Variants in MYO15B observed in about 807,000 individuals in gnomAD.
MYO15B encodes the protein myosin XVB, also known as myosin XVB pseudogene.
Under a neutral mutation model 119.3 loss-of-function variants are expected in MYO15B, and 207 were observed. That is an observed-to-expected ratio of 1.73 (90% CI 1.55 to 1.95). MYO15B has a LOEUF of 1.95. MYO15B is among the 30% of genes most tolerant of loss of function. The pLI is 0.00. For synonymous variants in MYO15B, 966 were observed against 498.9 expected (o/e 1.94, Z -12.48); for missense variants, 2,264 against 1,203.1 (o/e 1.88, Z -13.04).
At position 75,622,211 on chromosome 17, in the gene MYO15B, G is replaced by C. The variant is rs112155918; in HGVS notation, c.8082+131G>C. ...TTTACTGAGCACCCATTGCGTGCAG[G>C]GGGGTGTGGCTGTGAAGCCAACAGG... On this transcript the variant is annotated intron_variant, in intron 53 of 63. Transcript: ENST00000645453. 1,540 of 634,744 alleles carry C rather than the reference G, an allele frequency of 2.4e-3. 26 individuals are homozygous for C. Among genetic ancestry groups the C allele is most frequent in the African/African-American group, 0.024 (1,317 of 55,710 alleles). 39.3% of individuals were successfully genotyped at this position (634,744 alleles called of 1,614,324 possible). A position where few individuals can be genotyped will look rare whatever the true frequency, so the allele number is the denominator to read the frequency against.
At chr17:75,619,708 T>C (rs1376295683) in exon 46 of MYO15B, 2 of 702,820 alleles carry the variant, frequency 2.8e-6, no homozygotes, top group Non-Finnish European at 5.2e-6. Context: ...CGTGCAGCTG[T>C]TAGCCGTGTC....
rs543429107 is a variant in MYO15B, at chr17:75,620,929, C to T, written c.7726-102C>T. ...GCTCTTCACTTTCCTGGCTTCTGGT[C>T]TTGCTCCTTTGGTGTCTGGCTGGGG... On this transcript the variant is annotated intron_variant, in intron 49 of 63. Coordinates refer to ENST00000645453, the Ensembl canonical transcript of MYO15B. The T allele has an allele frequency of 2.8e-3, 1,981 of 702,458 alleles. 17 individuals carry two copies. The highest frequency in any genetic ancestry group is 4.3e-3 in the Middle Eastern group (19 of 4,370). 43.5% of individuals were successfully genotyped at this position (702,458 alleles called of 1,614,324 possible). A position where few individuals can be genotyped will look rare whatever the true frequency, so the allele number is the denominator to read the frequency against.
chr17:75,596,612 G>T, intron 13 of MYO15B, 57 bp downstream of exon 13: 1 of 697,802 alleles, frequency 1.4e-6, no homozygotes, highest in Non-Finnish European at 2.6e-6. Context: ...CCAGGCAGAG[G>T]CCATCCTTGG....
chr17:75,602,470 C>G, intron 15 of MYO15B, 47 bp from the exon 16 acceptor site: 1 of 700,134 alleles, frequency 1.4e-6, no homozygotes, highest in Non-Finnish European at 2.6e-6. Flanking sequence ...GGTTCCTGTT[C>G]TCCTCCCTTT....
At chr17:75,624,315 G>C in intron 56 of MYO15B, 46 bp downstream of exon 56, 2 of 702,872 alleles carry the variant, frequency 2.8e-6, no homozygotes, top group Admixed American at 2.0e-5. Context: ...CTGGGGTGGG[G>C]AGTGTCTCCT....
chr17:75,611,806 G>C, intron 24 of MYO15B, 80 bp from the exon 25 acceptor site: 1 of 694,514 alleles, frequency 1.4e-6, no homozygotes, highest in Non-Finnish European at 2.6e-6. Flanking sequence ...CTGATGGCTC[G>C]TGGTGAGGGA....
At chr17:75,608,205 GC>G (rs2057777807) in intron 21 of MYO15B, among the ~76,000 whole-genome samples, 2 of 151,872 alleles carry the variant, frequency 1.3e-5, no homozygotes, top group South Asian at 4.2e-4. Context: ...TGCAACCTCT[GC>G]CCCCTGGATT....
chr17:75,626,685 C>G (rs573185933), exon 64 of MYO15B, among the ~76,000 whole-genome samples: 1 of 152,252 alleles, frequency 6.6e-6, no homozygotes, highest in Admixed American at 6.5e-5. Context: ...CTCTCCAGGA[C>G]GGCCTGGGGC....
chr17:75,613,031 G>A (rs820142), exon 27 of MYO15B: 340,830 of 699,136 alleles, frequency 0.49, 86,546 homozygotes, highest in African/African-American at 0.7. Context: ...GATCATGGGC[G>A]CATACCTGGT....
chr17:75,591,344 C>T (rs2056434774), intron 4 of MYO15B, 98 bp downstream of exon 4: 2 of 660,420 alleles, frequency 3.0e-6, no homozygotes, highest in South Asian at 3.3e-5. Flanking sequence ...TGGTATGCTC[C>T]ACTGCTGGGC....
At chr17:75,619,105 C>T in intron 43 of MYO15B, 38 bp from the exon 44 acceptor site, 1 of 702,644 alleles carries the variant, frequency 1.4e-6, no homozygotes, top group South Asian at 1.5e-5. Flanking sequence ...TGGGCTCTGT[C>T]TCAGGACCTG....
Position 75,624,400 on chromosome 17 carries a change from C to T in MYO15B, c.8398C>T (p.His2800Tyr), listed in dbSNP as rs1028654383. Residue 2800 changes from histidine (H) to tyrosine (Y), a missense_variant, in exon 57 of 64, where the codon CAC (histidine) becomes TAC (tyrosine). Coordinates refer to ENST00000645453, the Ensembl canonical transcript of MYO15B. ...ACAAGCGATTCGCCTGCTTCTTATTCACCTGCCGGGGGGTGTGGATTATAG... is the reference window on the plus strand; with the variant it reads ...ACAAGCGATTCGCCTGCTTCTTATTTACCTGCCGGGGGGTGTGGATTATAG... 8.5e-6 allele frequency: 6 copies of T among 702,404 alleles called. No homozygotes were observed. The African/African-American group carries it at 1.0e-4, about 12-fold the overall frequency. 43.5% of individuals were successfully genotyped at this position (702,404 alleles called of 1,614,324 possible).
At chr17:75,613,098 C>G (rs1173048260) in exon 27 of MYO15B, 7 of 702,718 alleles carry the variant, frequency 1.0e-5, no homozygotes, top group Non-Finnish European at 1.8e-5. Flanking sequence ...CAGCTGGTGG[C>G]CCAGCTATGG....
chr17:75,608,358 A>G (rs1392646119), intron 21 of MYO15B, among the ~76,000 whole-genome samples: 1 of 151,852 alleles, frequency 6.6e-6, no homozygotes, highest in East Asian at 1.9e-4. Flanking sequence ...ACCTCAGGTG[A>G]TCCACCTCAG....
In MYO15B at chr17:75,596,373, C is replaced by T. The variant is rs1598733467; in HGVS notation, c.3298-87C>T. 1.0e-5 allele frequency: 7 copies of T among 682,722 alleles called. No homozygotes were observed. In the East Asian group the frequency reaches 1.3e-4, roughly 13 times the overall value. 42.3% of individuals were successfully genotyped at this position (682,722 alleles called of 1,614,324 possible). ...GCATCAGCCCTGGGTATTACTCATCCCTGCGCCCTGGCCAGAATGAAGGAA... is the reference window on the plus strand; with the variant it reads ...GCATCAGCCCTGGGTATTACTCATCTCTGCGCCCTGGCCAGAATGAAGGAA... On this transcript the variant is annotated intron_variant, in intron 12 of 63. Transcript: ENST00000645453.
chr17:75,619,719 C>T (rs2058588879), exon 46 of MYO15B: 3 of 702,784 alleles, frequency 4.3e-6, no homozygotes, highest in Admixed American at 2.0e-5. Flanking sequence ...TAGCCGTGTC[C>T]CACCGTGGGC....
chr17:75,609,391 T>C lies in MYO15B; in HGVS notation c.4293-775T>C, dbSNP rs140914536. Among the ~76,000 whole-genome samples, 1,015 of 151,838 alleles carry C rather than the reference T, an allele frequency of 6.7e-3. 11 individuals carry two copies. The highest frequency in any genetic ancestry group is 0.018 in the African/African-American group (762 of 41,376). ...GGTCTTGCTATGTTGCCCAGGCTGG[T>C]CTTGAACTCCTGGTCTCAAGCAATT... On this transcript the variant is annotated intron_variant, in intron 21 of 63. Coordinates refer to ENST00000645453, the Ensembl canonical transcript of MYO15B.
At position 75,612,981 on chromosome 17, in the gene MYO15B, G is replaced by A. The variant is rs759917806; in HGVS notation, c.4739G>A (p.Arg1580Gln). The change falls in exon 27 of 64, where the codon CGG (arginine) becomes CAG (glutamine). Residue 1580 changes from arginine to glutamine, a missense_variant. Arg to Gln is a conservative substitution (Grantham distance 43). Transcript: ENST00000645453. ...ACCCGGCTGTGTCGGCAGATGCTGC[G>A]GCTCCTGGGGGACGGATCCCTGGAG... 3.9e-5 allele frequency: 27 copies of A among 689,828 alleles called. 1 individual carries two copies. Among genetic ancestry groups the A allele is most frequent in the South Asian group, 3.1e-4 (21 of 67,100 alleles). The allele number at this position is 689,828 out of a possible 1,614,324, so 42.7% of individuals were successfully genotyped here. A position where few individuals can be genotyped will look rare whatever the true frequency, so the allele number is the denominator to read the frequency against.
exon 5 of MYO15B, chr17:75,591,675 G>A (rs117785251): frequency 2.8e-6 from 2 of 702,874 alleles, no homozygotes; most frequent in African/African-American, 3.5e-5. Flanking sequence ...TTCCTAAGCA[G>A]CCTGGAGCAG....
Sources: gnomAD v4.1 joint callset for allele counts (sites outside exome capture counted in the v4.1 genomes callset) on GRCh38, gnomAD v4.1.1 for gene constraint, MANE v1.5 for transcripts, NCBI Gene and HGNC (gene_info 2026-07-23, HGNC 2026-07-21) for gene names.